Variants in RPS6KC1 observed in about 807,000 individuals in gnomAD.
RPS6KC1 encodes inactive ribosomal protein S6 kinase delta-1.
RPS6KC1 carries 54 observed loss-of-function variants against 103.8 expected under a neutral mutation model. The ratio of observed to expected loss-of-function variants is 0.52; its 90% CI spans 0.42 to 0.65. The LOEUF is 0.65. Ranked by LOEUF, RPS6KC1 falls within the 30% of genes least tolerant of loss-of-function variation. The probability of loss-of-function intolerance (pLI) is 0.00; values close to 1 mark genes in which losing one functional copy is unlikely to be tolerated. For synonymous variants in RPS6KC1, 439 were observed against 438.7 expected, an observed-to-expected ratio of 1.00 and a Z score of -0.01; for missense variants, 1,151 against 1,253.8, an observed-to-expected ratio of 0.92 and a Z score of 1.24.
chr1:213,738,090 A>C, the RPS6KC1 span, among the ~76,000 whole-genome samples: 4 of 152,344 alleles, frequency 2.6e-5, no homozygotes, highest in African/African-American at 9.6e-5. Flanking sequence ...AGACACTTGT[A>C]TATTTGTCCT....
chr1:213,391,006 G>GT, the RPS6KC1 span, among the ~76,000 whole-genome samples: 121 of 151,972 alleles, frequency 8.0e-4, 2 homozygotes, highest in South Asian at 7.9e-3. Context: ...TATGATTCTA[G>GT]TTTTTTTTCC....
At chr1:213,850,778 A>C in the RPS6KC1 span, among the ~76,000 whole-genome samples, 1 of 144,598 alleles carries the variant, frequency 6.9e-6, no homozygotes, top group African/African-American at 2.6e-5. Context: ...AACATCTCCC[A>C]ATGCTTAGCT....
At chr1:213,764,094 A>G in the RPS6KC1 span, among the ~76,000 whole-genome samples, 44 of 152,320 alleles carry the variant, frequency 2.9e-4, no homozygotes, top group African/African-American at 1.0e-3. Flanking sequence ...TGAAGTGAAC[A>G]TTGGCACAAT....
chr1:213,179,018 C>G (rs923550700), intron 8 of RPS6KC1, among the ~76,000 whole-genome samples: 1 of 151,912 alleles, frequency 6.6e-6, no homozygotes, highest in Non-Finnish European at 1.5e-5. Flanking sequence ...TGGTGCCTGG[C>G]CTAACTTTTC....
At chr1:213,399,946 C>G in the RPS6KC1 span, among the ~76,000 whole-genome samples, 3 of 151,984 alleles carry the variant, frequency 2.0e-5, no homozygotes, top group African/African-American at 7.3e-5. Context: ...GTATTTTTAG[C>G]GAAGAGATTC....
At chr1:213,320,757 A>C in the RPS6KC1 span, among the ~76,000 whole-genome samples, 1 of 152,208 alleles carries the variant, frequency 6.6e-6, no homozygotes, top group African/African-American at 2.4e-5. Context: ...TAGAAATGGG[A>C]GACTTCTGGG....
At chr1:213,830,595 C>A in the RPS6KC1 span, among the ~76,000 whole-genome samples, 3 of 150,156 alleles carry the variant, frequency 2.0e-5, no homozygotes, top group Non-Finnish European at 2.9e-5. Flanking sequence ...CCACCTTCAA[C>A]GGCCATGGTG....
chr1:213,553,478 C>T, the RPS6KC1 span, among the ~76,000 whole-genome samples: 176 of 152,170 alleles, frequency 1.2e-3, 1 homozygote, highest in African/African-American at 4.1e-3. Flanking sequence ...TATGCATGCA[C>T]GTGTCTTTAT....
At chr1:213,759,578 C>A in the RPS6KC1 span, among the ~76,000 whole-genome samples, 4 of 152,316 alleles carry the variant, frequency 2.6e-5, no homozygotes, top group South Asian at 8.3e-4. Context: ...TGCTGAAGCT[C>A]ACACAGCCAG....
the RPS6KC1 span, among the ~76,000 whole-genome samples, chr1:213,339,655 G>A: frequency 2.1e-4 from 32 of 152,302 alleles, no homozygotes; most frequent in African/African-American, 7.0e-4. Flanking sequence ...TAATTCTTGC[G>A]GGATTATTTG....
chr1:213,097,182 C>G (rs879732851), intron 3 of RPS6KC1, among the ~76,000 whole-genome samples: 21 of 152,062 alleles, frequency 1.4e-4, no homozygotes, highest in African/African-American at 4.8e-4. Context: ...GGTGAAACCC[C>G]GTCTCTACTA....
At chr1:213,309,128 A>G in the RPS6KC1 span, among the ~76,000 whole-genome samples, 10 of 148,606 alleles carry the variant, frequency 6.7e-5, no homozygotes, top group Admixed American at 1.3e-4. Context: ...CATCTCTACT[A>G]AAAAAAAAAT....
chr1:213,851,292 A>C, the RPS6KC1 span, among the ~76,000 whole-genome samples: 3 of 152,082 alleles, frequency 2.0e-5, no homozygotes, highest in Non-Finnish European at 4.4e-5. Context: ...TCTCTGTATC[A>C]CCTACCTCTG....
At chr1:213,842,516 A>G in the RPS6KC1 span, among the ~76,000 whole-genome samples, 21 of 152,184 alleles carry the variant, frequency 1.4e-4, no homozygotes, top group Non-Finnish European at 2.8e-4. Context: ...TTAAAATAAT[A>G]TAAAAAGGTA....
At chr1:213,724,833 C>T in the RPS6KC1 span, among the ~76,000 whole-genome samples, 6 of 152,198 alleles carry the variant, frequency 3.9e-5, no homozygotes, top group Non-Finnish European at 7.3e-5. Context: ...ACGTCAGGCA[C>T]TGTGCTGTGC....
the RPS6KC1 span, among the ~76,000 whole-genome samples, chr1:213,621,299 A>C: frequency 6.6e-6 from 1 of 152,090 alleles, no homozygotes; most frequent in African/African-American, 2.4e-5. Context: ...GGACTAGAAC[A>C]ATAGATACGG....
chr1:213,503,959 G>A, the RPS6KC1 span, among the ~76,000 whole-genome samples: 1 of 152,070 alleles, frequency 6.6e-6, no homozygotes, highest in African/African-American at 2.4e-5. Context: ...ACATAGCATT[G>A]TTTATAATAA....
At chr1:213,296,893 A>G in the RPS6KC1 span, among the ~76,000 whole-genome samples, 3 of 152,310 alleles carry the variant, frequency 2.0e-5, no homozygotes, top group East Asian at 5.8e-4. Flanking sequence ...CTACAGTGAC[A>G]AAGGAAGTCA....
chr1:213,608,371 T>C, the RPS6KC1 span, among the ~76,000 whole-genome samples: 1 of 152,190 alleles, frequency 6.6e-6, no homozygotes, highest in African/African-American at 2.4e-5. Context: ...ACTCTCCTGG[T>C]GGCCCCCTAA....
Sources: allele counts gnomAD v4.1 joint callset (sites outside exome capture counted in the v4.1 genomes callset), GRCh38; gene constraint gnomAD v4.1.1; transcripts MANE v1.5; gene names NCBI Gene and HGNC (gene_info 2026-07-23, HGNC 2026-07-21).